Variants in ZFYVE28 observed in about 807,000 individuals in gnomAD.
The protein encoded by ZFYVE28 is zinc finger FYVE-type containing 28, also known as lateral signaling target protein 2 homolog.
A neutral mutation model predicts 82.1 loss-of-function variants in ZFYVE28; 40 were observed. The ratio of observed to expected loss-of-function variants is 0.49; its 90% confidence interval spans 0.38 to 0.63. The LOEUF (loss-of-function observed/expected upper bound fraction) is 0.63. ZFYVE28 is among the 30% of genes least tolerant of loss of function. The pLI is 0.00. For missense variants in ZFYVE28, 1,321 were observed against 1,242.1 expected, an observed-to-expected ratio of 1.06 and a Z score of -0.96; for synonymous variants, 612 against 546.1, an observed-to-expected ratio of 1.12 and a Z score of -1.68.
At chr4:2,410,561 T>C (rs921544764) in intron 1 of ZFYVE28, among the ~76,000 whole-genome samples, 1 of 151,098 alleles carries the variant, frequency 6.6e-6, no homozygotes, top group Admixed American at 6.6e-5. Flanking sequence ...AGTGGCACCA[T>C]CTCGGCTCAC....
intron 1 of ZFYVE28, among the ~76,000 whole-genome samples, chr4:2,404,440 A>G (rs1292422468): frequency 1.5e-4 from 2 of 13,476 alleles, no homozygotes; most frequent in African/African-American, 6.2e-4. Context: ...ACAGCCAAAA[A>G]TGGAGACTAC....
chr4:2,370,060 G>A (rs1727363594), intron 1 of ZFYVE28, among the ~76,000 whole-genome samples: 2 of 151,682 alleles, frequency 1.3e-5, no homozygotes, highest in African/African-American at 2.4e-5. Context: ...ATGTTGGCCA[G>A]GATGGTCTTG....
intron 1 of ZFYVE28, among the ~76,000 whole-genome samples, chr4:2,370,181 G>A (rs145915037): frequency 0.015 from 2,231 of 152,080 alleles, 63 homozygotes; most frequent in African/African-American, 0.05. Flanking sequence ...CACTGTGTGC[G>A]ACTTGGTCAC....
chr4:2,402,592 G>GA (rs1328465867), intron 1 of ZFYVE28, among the ~76,000 whole-genome samples: 10 of 152,298 alleles, frequency 6.6e-5, no homozygotes, highest in African/African-American at 2.2e-4. Flanking sequence ...GCCGGCAGAA[G>GA]ACAACACGGA....
intron 6 of ZFYVE28, among the ~76,000 whole-genome samples, chr4:2,326,172 G>C (rs1266145924): frequency 6.6e-6 from 1 of 152,142 alleles, no homozygotes; most frequent in East Asian, 1.9e-4. Context: ...TTTTCTTCTA[G>C]TAGTTTTAGA....
intron 1 of ZFYVE28, among the ~76,000 whole-genome samples, chr4:2,399,156 T>TGG (rs1730895491): frequency 2.4e-4 from 3 of 12,718 alleles, no homozygotes; most frequent in South Asian, 2.0e-3. Context: ...GGGCACAAGG[T>TGG]GGGGTGAGAT....
Position 2,397,115 on chromosome 4 carries a change from A to T in ZFYVE28, c.39+21170T>A, listed in dbSNP as rs1433094400. ...TTATTTGTTATGGTAAATTGCAGTGATGTAAACATAACACAAAATCGACCT... is the reference window on the plus strand; with the variant it reads ...TTATTTGTTATGGTAAATTGCAGTGTTGTAAACATAACACAAAATCGACCT... On this transcript the variant is annotated intron_variant, in intron 1 of 12. Transcript: ENST00000290974. 4.6e-5 allele frequency among the ~76,000 whole-genome samples: 7 copies of T among 152,352 alleles called. No individual in the cohort carries two copies. In the East Asian group the frequency reaches 1.2e-3, roughly 25 times the overall value.
rs1259322930 is a variant in ZFYVE28 at position 2,372,972 on chromosome 4, G to A, written c.40-18899C>T. On this transcript the variant is annotated intron_variant, in intron 1 of 12. Coordinates refer to ENST00000290974, the MANE Select transcript of ZFYVE28 (RefSeq NM_020972.3). This position sits in a 1 kb window ranked among gnomAD's most constrained non-coding sequence, Gnocchi z 5.2. ...CCCACCAGAAGACCACCACGTCTCT[G>A]GGCAGACACTCGGGGTACCCTTACC... Among the ~76,000 whole-genome samples the A allele has an allele frequency of 1.3e-5, 2 of 152,100 alleles. No individual in the cohort carries two copies. The highest frequency in any genetic ancestry group is 4.8e-5 in the African/African-American group (2 of 41,412).
chr4:2,321,504 A>T (rs960770022), intron 6 of ZFYVE28, among the ~76,000 whole-genome samples: 1 of 151,946 alleles, frequency 6.6e-6, no homozygotes, highest in South Asian at 2.1e-4. Context: ...TGTCTTGACC[A>T]CCTGTGGGTG....
chr4:2,376,938 TAAATA>T (rs1409857812), intron 1 of ZFYVE28, among the ~76,000 whole-genome samples: 9 of 151,740 alleles, frequency 5.9e-5, no homozygotes, highest in African/African-American at 2.2e-4. Flanking sequence ...AAAAAATAAA[TAAATA>T]AAATAAAAGT....
At chr4:2,397,036 G>A (rs140842486) in intron 1 of ZFYVE28, among the ~76,000 whole-genome samples, 726 of 152,320 alleles carry the variant, frequency 4.8e-3, no homozygotes, top group Admixed American at 8.3e-3. Context: ...CGACTGCCAC[G>A]GCCGGGGATC....
Position 2,339,788 on chromosome 4 carries a change from C to T in ZFYVE28, c.319-133G>A, listed in dbSNP as rs764060785. 121 of 766,164 alleles carry T rather than the reference C, an allele frequency of 1.6e-4. 1 individual carries two copies. The highest frequency in any genetic ancestry group is 7.6e-4 in the Middle Eastern group (2 of 2,628). 47.5% of individuals were successfully genotyped at this position (766,164 alleles called of 1,614,324 possible). On this transcript the variant is annotated intron_variant, in intron 3 of 12. Transcript: ENST00000290974. The surrounding 1 kb of genome is among the most constrained non-coding windows in gnomAD (Gnocchi z 5.0). ...CACAGCACAGGCCAGCTCGTGTTCCCGGTCCCCGCAGGAGGTTTTTCTTAC... is the reference window on the plus strand; with the variant it reads ...CACAGCACAGGCCAGCTCGTGTTCCTGGTCCCCGCAGGAGGTTTTTCTTAC...
intron 8 of ZFYVE28, among the ~76,000 whole-genome samples, chr4:2,280,720 T>G (rs903111632): frequency 3.9e-5 from 6 of 152,324 alleles, no homozygotes; most frequent in African/African-American, 1.4e-4. Context: ...GAAAGGAAAG[T>G]GCCTGCTGGC....
chr4:2,302,672 A>G (rs1421835423), intron 8 of ZFYVE28, among the ~76,000 whole-genome samples: 2 of 152,260 alleles, frequency 1.3e-5, no homozygotes, highest in Non-Finnish European at 2.9e-5. Context: ...AAAAACTTGG[A>G]CGAAAATTTT....
chr4:2,336,150 C>T (rs546384102), intron 5 of ZFYVE28, among the ~76,000 whole-genome samples: 7 of 152,138 alleles, frequency 4.6e-5, no homozygotes, highest in Non-Finnish European at 8.8e-5. Context: ...GCCAGGAGAC[C>T]GAAACAACTC....
chr4:2,281,316 A>G (rs1343586831), intron 8 of ZFYVE28, among the ~76,000 whole-genome samples: 1 of 152,086 alleles, frequency 6.6e-6, no homozygotes, highest in East Asian at 1.9e-4. Flanking sequence ...TGGGTCAGCC[A>G]TTCCTGGGGC....
intron 1 of ZFYVE28, chr4:2,364,737 G>A (rs1726636658): frequency 2.0e-6 from 2 of 985,398 alleles, no homozygotes; most frequent in Non-Finnish European, 2.4e-6. Flanking sequence ...CGCAGGTGAT[G>A]AGCATAACGT....
intron 8 of ZFYVE28, among the ~76,000 whole-genome samples, chr4:2,290,898 C>T (rs1468011008): frequency 1.3e-5 from 2 of 152,252 alleles, no homozygotes; most frequent in African/African-American, 4.8e-5. Context: ...GGCCTAGACA[C>T]AGCCCAGCTC....
rs1445682801 is a variant in ZFYVE28 at position 2,335,810 on chromosome 4, G to A, written c.612-16C>T. On this transcript the variant is annotated splice_polypyrimidine_tract_variant and intron_variant, in intron 5 of 12. Coordinates refer to ENST00000290974, the MANE Select transcript of ZFYVE28 (RefSeq NM_020972.3). This position sits in a 1 kb window ranked among gnomAD's most constrained non-coding sequence, Gnocchi z 5.8. ...GTCCAGGGCCCTGTCCGGGGAGACG[G>A]ACAGTGAGCAGCATGAGGGCTGGCC... 2.6e-6 allele frequency: 4 copies of A among 1,552,166 alleles called. No individual in the cohort carries two copies. The highest frequency in any genetic ancestry group is 1.4e-5 in the African/African-American group (1 of 73,464).
Sources: gnomAD v4.1 joint callset for allele counts (sites outside exome capture counted in the v4.1 genomes callset) on GRCh38, gnomAD v4.1.1 for gene constraint, Gnocchi (gnomAD v3.1) non-coding constraint, MANE v1.5 for transcripts, NCBI Gene and HGNC (gene_info 2026-07-23, HGNC 2026-07-21) for gene names.